Variants in APOB observed in about 807,000 individuals in gnomAD.
The protein encoded by APOB is apolipoprotein B, also known as apolipoprotein B-100.
A neutral mutation model predicts 314.1 loss-of-function variants in APOB; 153 were observed. The observed-to-expected ratio is 0.49, with a 90% confidence interval of 0.43 to 0.56. The LOEUF (loss-of-function observed/expected upper bound fraction) is 0.56, where lower values mean the gene tolerates loss of function less well. APOB is among the 20% of genes least tolerant of loss of function. APOB has a pLI of 0.00. For missense variants in APOB, 5,430 were observed against 5,350.7 expected (o/e 1.01, Z -0.46); for synonymous variants, 2,087 against 2,036.4 (o/e 1.02, Z -0.67).
At chr2:21,029,517 AAGG>A (rs1663824837) in intron 12 of APOB, 119 bp downstream of exon 12, 10 of 1,098,498 alleles carry the variant, frequency 9.1e-6, no homozygotes, top group Admixed American at 5.3e-5. Context: ...GGAAGGAAGG[AAGG>A]AAAGGAAAGA....
At chr2:21,043,474 G>A in intron 2 of APOB, 39 bp downstream of exon 2, 2 of 1,583,030 alleles carry the variant, frequency 1.3e-6, no homozygotes, top group Non-Finnish European at 1.7e-6. Flanking sequence ...AGTGCACGGG[G>A]CTGGGCGCCC....
rs781488767 is a variant in APOB, at chr2:21,012,394, C to T, written c.4474G>A (p.Val1492Ile). ...GTGCCTTTAGCATAGAACGAAGAGA[C>T]TCTGAACTGCCCATCAATCTTGACT... ...KEVKIDGQFR[V>I]SSFYAKGTYG... is the part of the protein sequence containing the mutation. Residue 1492 changes from valine to isoleucine, a missense_variant, in exon 26 of 29, where the codon GTC becomes ATC. Val to Ile is a conservative substitution (Grantham distance 29). This residue lies in a region of APOB where 2,085 missense variants were observed against 2,079.7 expected (regional missense o/e 1.00). Transcript: ENST00000233242. 3 of 1,614,210 alleles carry T rather than the reference C, an allele frequency of 1.9e-6. No individual in the cohort carries two copies. The South Asian group carries it at 3.3e-5, about 18-fold the overall frequency.
At position 21,005,487 on chromosome 2, in the gene APOB, A is replaced by G; in HGVS notation, c.11381T>C (p.Val3794Ala). ...TTGAGAATATTTTGTTAACACATCA[A>G]CTTCAGGGAATTTTACCTCGGGGAG... ...PTLPEVKFPE[V>A]DVLTKYSQPE... The change falls in exon 26 of 29, where the codon GTT becomes GCT. Residue 3794 changes from valine to alanine, a missense_variant. Physicochemically the swap from Val to Ala is moderately conservative, Grantham distance 64. Coordinates refer to ENST00000233242, the MANE Select transcript of APOB (RefSeq NM_000384.3). The G allele has an allele frequency of 6.2e-7, 1 of 1,614,012 alleles. No individual in the cohort carries two copies. Among genetic ancestry groups the G allele is most frequent in the Non-Finnish European group, 8.5e-7 (1 of 1,179,960 alleles).
In APOB at chr2:21,013,507, T is replaced by G. The variant is rs749608934; in HGVS notation, c.3869A>C (p.Asn1290Thr). 5 of 1,614,084 alleles carry G rather than the reference T, an allele frequency of 3.1e-6. No individual in the cohort carries two copies. The South Asian group carries it at 5.5e-5, about 18-fold the overall frequency. Residue 1290 changes from asparagine to threonine, a missense_variant, in exon 25 of 29, where the codon AAC becomes ACC. This residue lies in a region of APOB where 2,085 missense variants were observed against 2,079.7 expected (regional missense o/e 1.00). Transcript: ENST00000233242. ...KSDGRVKYTL[N>T]KNSLKIEIPL... Reference sequence around the variant, plus strand: ...AATCTCAATTTTCAAACTGTTCTTGTTCAAGGTATATTTGACCCGGCCATC... The same window carrying G: ...AATCTCAATTTTCAAACTGTTCTTGGTCAAGGTATATTTGACCCGGCCATC...
Position 21,026,808 on chromosome 2 carries a change from T to C in APOB, c.2224A>G (p.Lys742Glu), listed in dbSNP as rs1663741088. 2 of 1,613,906 alleles carry C rather than the reference T, an allele frequency of 1.2e-6. No homozygotes were observed. The highest frequency in any genetic ancestry group is 3.3e-5 in the Admixed American group (2 of 60,006). Residue 742 changes from lysine to glutamate, a missense_variant, in exon 15 of 29, where the codon AAA becomes GAA. This residue lies in a region of APOB where 2,085 missense variants were observed against 2,079.7 expected (regional missense o/e 1.00). Coordinates refer to ENST00000233242, the MANE Select transcript of APOB (RefSeq NM_000384.3). ...CACACCTGCTCATGTTTATCATCTT[T>C]GGTATAGCCAAAGTGGTCCACTAAG... Reference protein sequence around the residue: ...KVLVDHFGYTKDDKHEQDMVN... With the variant: ...KVLVDHFGYTEDDKHEQDMVN...
At chr2:21,025,231 G>T in intron 15 of APOB, 107 bp from the exon 16 acceptor site, 1 of 1,125,044 alleles carries the variant, frequency 8.9e-7, no homozygotes, top group Non-Finnish European at 1.3e-6. Flanking sequence ...CCTAAAAAAT[G>T]CTCCAGGTGA....
rs746816802 is a variant in APOB, at chr2:21,012,632, A to G, written c.4236T>C (p.Tyr1412=). 4 of 1,612,650 alleles carry G rather than the reference A, an allele frequency of 2.5e-6. No homozygotes were observed. Among genetic ancestry groups the G allele is most frequent in the Middle Eastern group, 1.7e-4 (1 of 6,042 alleles). The part of the protein sequence containing the change: ...YNVQGSGETT[Y]DHKNTFTLSC... The stretch of plus-strand genomic sequence containing the variant: ...ATAGTGTGAACGTATTCTTGTGGTC[A>G]TATGTTGTTTCTCCAGATCCTAACA... The change falls in exon 26 of 29, where the codon TAT becomes TAC. Residue 1412 remains tyrosine (Y), a synonymous_variant. Coordinates refer to ENST00000233242, the MANE Select transcript of APOB (RefSeq NM_000384.3).
At position 21,004,578 on chromosome 2, in the gene APOB, G is replaced by A; in HGVS notation, c.11886C>T (p.Gly3962=). The part of the protein sequence containing the change: ...RDFSAEYEED[G]KYEGLQEWEG... ...CTCCATACTGAAGTCCTTCATATTT[G>A]CCATCTTCTTCATATTCTGCACTGA... Residue 3962 remains glycine, a synonymous_variant, in exon 27 of 29, where the codon GGC becomes GGT. Coordinates refer to ENST00000233242, the MANE Select transcript of APOB (RefSeq NM_000384.3). 1 of 1,613,736 alleles carries A rather than the reference G, an allele frequency of 6.2e-7. No homozygotes were observed. Among genetic ancestry groups the A allele is most frequent in the East Asian group, 2.2e-5 (1 of 44,884 alleles).
chr2:21,021,050 A>T (rs897305716), intron 18 of APOB, among the ~76,000 whole-genome samples: 2 of 152,214 alleles, frequency 1.3e-5, no homozygotes, highest in African/African-American at 4.8e-5. Context: ...CCATATGTGG[A>T]GCCCAAGCCT....
At position 21,035,719 on chromosome 2, in the gene APOB, G is replaced by A. The variant is rs1047268744; in HGVS notation, c.694-11C>T. 3.1e-6 allele frequency: 5 copies of A among 1,613,666 alleles called. No individual in the cohort carries two copies. The African/African-American group carries it at 5.3e-5, about 17-fold the overall frequency. On this transcript the variant is annotated splice_polypyrimidine_tract_variant and intron_variant, in intron 6 of 28. Coordinates refer to ENST00000233242, the MANE Select transcript of APOB (RefSeq NM_000384.3). ...TGACAAGGGGCGGGTCTATGAAAGAGATTGGAGACGAGCATTTTGATCAGT... is the reference window on the plus strand; with the variant it reads ...TGACAAGGGGCGGGTCTATGAAAGAAATTGGAGACGAGCATTTTGATCAGT...
intron 20 of APOB, 31 bp downstream of exon 20, chr2:21,018,961 G>A: frequency 6.2e-7 from 1 of 1,613,844 alleles, no homozygotes; most frequent in Non-Finnish European, 8.5e-7. Flanking sequence ...ACTGCGAGCA[G>A]AGATGAGGCA....
intron 25 of APOB, 60 bp from the exon 26 acceptor site, chr2:21,012,711 T>G: frequency 1.0e-5 from 16 of 1,563,466 alleles, no homozygotes; most frequent in Non-Finnish European, 1.3e-5. Context: ...GAGCAATCTC[T>G]ATGTTGAAAG....
In APOB at chr2:21,037,061, G is replaced by T. The variant is rs773510022; in HGVS notation, c.693+39C>A. ...TCTGGAATTGTATTAATAAGAGGAT[G>T]CTCCTTGCTGTGCACGACAGTGCTG... On this transcript the variant is annotated intron_variant, in intron 6 of 28. Transcript: ENST00000233242. The T allele has an allele frequency of 1.9e-6, 3 of 1,613,226 alleles. No homozygotes were observed. In the East Asian group the frequency reaches 6.7e-5, roughly 36 times the overall value.
chr2:21,038,263 C>A (rs1664053244), intron 4 of APOB, 152 bp from the exon 5 acceptor site: 1 of 811,898 alleles, frequency 1.2e-6, no homozygotes, highest in Non-Finnish European at 2.0e-6. Flanking sequence ...TATAGCTACA[C>A]ATAGACATAC....
rs1291440333 is a variant in APOB at position 21,024,955 on chromosome 2, G to C, written c.2414C>G (p.Thr805Ser). 5 of 1,614,014 alleles carry C rather than the reference G, an allele frequency of 3.1e-6. No individual in the cohort carries two copies. Among genetic ancestry groups the C allele is most frequent in the Non-Finnish European group, 4.2e-6 (5 of 1,180,032 alleles). The change falls in exon 16 of 29, where the codon ACT (threonine) becomes AGT (serine). Residue 805 changes from threonine (T) to serine (S), a missense_variant. This residue lies in a region of APOB where 2,085 missense variants were observed against 2,079.7 expected (regional missense o/e 1.00). Transcript: ENST00000233242. ...LGKLLLMGAR[T>S]LQGIPQMIGE... is the part of the protein sequence containing the mutation. Reference sequence around the variant, plus strand: ...TACCATCTGGGGGATCCCCTGCAGAGTGCGGGCACCCATCAGAAGCAGCTT... The same window carrying C: ...TACCATCTGGGGGATCCCCTGCAGACTGCGGGCACCCATCAGAAGCAGCTT...
intron 16 of APOB, 99 bp from the exon 17 acceptor site, chr2:21,023,791 T>C (rs369489189): frequency 9.7e-7 from 1 of 1,032,710 alleles, no homozygotes; most frequent in Admixed American, 2.7e-5. Flanking sequence ...TTCCTCTTTA[T>C]CTGGAAAGGA....
In APOB at chr2:21,042,190, C is replaced by T. The variant is rs371764798; in HGVS notation, c.237+171G>A. On this transcript the variant is annotated intron_variant, in intron 3 of 28. Coordinates refer to ENST00000233242, the MANE Select transcript of APOB (RefSeq NM_000384.3). ...GACCACATCTCAGCAATGTGGCTGACTTACAAACAGAGGCAAAGTCCCAGT... is the reference window on the plus strand; with the variant it reads ...GACCACATCTCAGCAATGTGGCTGATTTACAAACAGAGGCAAAGTCCCAGT... Among the ~76,000 whole-genome samples the T allele has an allele frequency of 7.6e-4, 116 of 152,328 alleles. 1 individual carries two copies. The highest frequency in any genetic ancestry group is 2.5e-3 in the African/African-American group (106 of 41,572).
At position 21,006,327 on chromosome 2, in the gene APOB, G is replaced by T. The variant is rs1450324476; in HGVS notation, c.10541C>A (p.Ala3514Asp). 6.2e-7 allele frequency: 1 copy of T among 1,613,958 alleles called. No individual in the cohort carries two copies. ...ATTCAAGTAAGTGTTGGCCTCACTA[G>T]CAATAGTTCCTGAATATTCCCGAGA... ...VLSREYSGTI[A>D]SEANTYLNSK... Residue 3514 changes from alanine (A) to aspartate (D), a missense_variant, in exon 26 of 29, where the codon GCT (alanine) becomes GAT (aspartate). Ala to Asp is a moderately radical substitution (Grantham distance 126). This residue lies in a region of APOB where 3,281 missense variants were observed against 3,171.0 expected (regional missense o/e 1.03). Coordinates refer to ENST00000233242, the MANE Select transcript of APOB (RefSeq NM_000384.3).
intron 16 of APOB, 95 bp downstream of exon 16, chr2:21,024,838 G>A (rs775726966): frequency 1.5e-5 from 19 of 1,297,456 alleles, no homozygotes; most frequent in Middle Eastern, 1.8e-4. Flanking sequence ...GCATCTTTTC[G>A]GGCTTGTGCA....
Sources: gnomAD v4.1 joint callset for allele counts (sites outside exome capture counted in the v4.1 genomes callset) on GRCh38, gnomAD v4.1.1 for gene constraint, gnomAD v4.1.1 regional missense constraint, MANE v1.5 for transcripts, NCBI Gene and HGNC (gene_info 2026-07-23, HGNC 2026-07-21) for gene names.